ABTB3: variants seen among roughly 807,000 people sequenced by gnomAD.
The protein encoded by ABTB3 is ankyrin repeat- and BTB/POZ domain-containing protein 3.
At chr12:107,625,654 A>G in the ABTB3 span, among the ~76,000 whole-genome samples, 1 of 152,078 alleles carries the variant, frequency 6.6e-6, no homozygotes, top group Admixed American at 6.5e-5. Context: ...GGCAGTAGTA[A>G]GAGTCTGACT....
chr12:107,397,631 T>G, the ABTB3 span, among the ~76,000 whole-genome samples: 1 of 152,154 alleles, frequency 6.6e-6, no homozygotes, highest in Non-Finnish European at 1.5e-5. Flanking sequence ...TATGGTCAAA[T>G]TGATCTTTTC....
At chr12:107,407,979 C>A in the ABTB3 span, among the ~76,000 whole-genome samples, 15 of 152,038 alleles carry the variant, frequency 9.9e-5, no homozygotes, top group Non-Finnish European at 1.9e-4. Flanking sequence ...ATGCTTCCCC[C>A]CAACCCCCAA....
At chr12:107,401,696 C>T in the ABTB3 span, among the ~76,000 whole-genome samples, 1 of 152,186 alleles carries the variant, frequency 6.6e-6, no homozygotes, top group Non-Finnish European at 1.5e-5. Context: ...TTTGACATAA[C>T]ACAAATTTGG....
At chr12:107,411,930 T>C in the ABTB3 span, among the ~76,000 whole-genome samples, 1 of 152,210 alleles carries the variant, frequency 6.6e-6, no homozygotes, top group Non-Finnish European at 1.5e-5. Flanking sequence ...GCAAGTCCTT[T>C]TATGGCCTGT....
chr12:107,502,408 T>C, the ABTB3 span, among the ~76,000 whole-genome samples: 1 of 152,162 alleles, frequency 6.6e-6, no homozygotes, highest in Middle Eastern at 3.4e-3. Context: ...GTTATTCTCA[T>C]GCATCCTTAA....
chr12:107,477,942 G>C, the ABTB3 span, among the ~76,000 whole-genome samples: 45 of 152,204 alleles, frequency 3.0e-4, no homozygotes, highest in African/African-American at 9.6e-4. Flanking sequence ...CTATTGATCA[G>C]GACAAGCAAA....
the ABTB3 span, among the ~76,000 whole-genome samples, chr12:107,630,068 C>T: frequency 6.6e-6 from 1 of 152,152 alleles, no homozygotes; most frequent in Non-Finnish European, 1.5e-5. Flanking sequence ...GGGAAGGGCA[C>T]AGGGCAGACA....
At chr12:107,610,897 T>C in the ABTB3 span, among the ~76,000 whole-genome samples, 8 of 152,168 alleles carry the variant, frequency 5.3e-5, no homozygotes, top group South Asian at 8.3e-4. Context: ...GGAGATACCT[T>C]GTGTGGTGAA....
At chr12:107,435,279 C>T in the ABTB3 span, among the ~76,000 whole-genome samples, 11 of 152,324 alleles carry the variant, frequency 7.2e-5, no homozygotes, top group South Asian at 2.3e-3. Context: ...ACATTCCCAG[C>T]CCTGACTTTA....
At chr12:107,430,625 T>C in the ABTB3 span, among the ~76,000 whole-genome samples, 10 of 152,228 alleles carry the variant, frequency 6.6e-5, no homozygotes, top group African/African-American at 2.4e-5. Flanking sequence ...ATGTATTGGC[T>C]GTACCTTCCA....
chr12:107,517,985 A>AT, the ABTB3 span, among the ~76,000 whole-genome samples: 1 of 152,270 alleles, frequency 6.6e-6, no homozygotes, highest in East Asian at 1.9e-4. Context: ...AAAAGAAGAC[A>AT]TTTATGCAGC....
the ABTB3 span, among the ~76,000 whole-genome samples, chr12:107,338,464 T>C: frequency 1.3e-5 from 2 of 152,184 alleles, no homozygotes; most frequent in African/African-American, 4.8e-5. Flanking sequence ...ACCAAATAAG[T>C]GGCAGTCTGG....
chr12:107,430,710 T>G, the ABTB3 span, among the ~76,000 whole-genome samples: 1 of 152,226 alleles, frequency 6.6e-6, no homozygotes. Flanking sequence ...CTCTAGTGTT[T>G]CACCAGTAAG....
chr12:107,648,882 T>C, the ABTB3 span, among the ~76,000 whole-genome samples: 421 of 146,448 alleles, frequency 2.9e-3, 6 homozygotes, highest in East Asian at 0.028. Context: ...TTATCATGAG[T>C]AGATGGAAAA....
chr12:107,562,313 A>G, the ABTB3 span, among the ~76,000 whole-genome samples: 7 of 152,372 alleles, frequency 4.6e-5, no homozygotes, highest in East Asian at 7.7e-4. Flanking sequence ...ACCAAGAACA[A>G]CTTCTGAAAA....
At chr12:107,467,840 C>T in the ABTB3 span, among the ~76,000 whole-genome samples, 1 of 152,156 alleles carries the variant, frequency 6.6e-6, no homozygotes, top group South Asian at 2.1e-4. Context: ...GTTTCCCACA[C>T]GTTTTCTCTG....
the ABTB3 span, among the ~76,000 whole-genome samples, chr12:107,374,070 A>G: frequency 6.6e-6 from 1 of 152,130 alleles, no homozygotes; most frequent in Admixed American, 6.5e-5. Context: ...TTCTGGAATC[A>G]TCAGCCCCGT....
chr12:107,319,075 C>G, the ABTB3 span: 5 of 1,613,196 alleles, frequency 3.1e-6, no homozygotes, highest in Non-Finnish European at 8.5e-7. Flanking sequence ...ACCCGGCGTC[C>G]CCGTATGGCG....
At chr12:107,652,881 A>G in the ABTB3 span, among the ~76,000 whole-genome samples, 1 of 152,224 alleles carries the variant, frequency 6.6e-6, no homozygotes, top group Non-Finnish European at 1.5e-5. Flanking sequence ...ACCAGTTAAG[A>G]TGAGGAGTTA....
Sources: allele counts gnomAD v4.1 joint callset (sites outside exome capture counted in the v4.1 genomes callset), GRCh38; gene constraint gnomAD v4.1.1; transcripts MANE v1.5; gene names NCBI Gene and HGNC (gene_info 2026-07-23, HGNC 2026-07-21).